The following EPSTI1 variants were observed in gnomAD, a reference collection of about 807,000 sequenced individuals.
EPSTI1 encodes the protein epithelial-stromal interaction protein 1.
A neutral mutation model predicts 49.9 loss-of-function variants in EPSTI1; 66 were observed. That is an observed-to-expected ratio of 1.32 (90% CI 1.08 to 1.62). The LOEUF (loss-of-function observed/expected upper bound fraction) is 1.62. EPSTI1 is among the 40% of genes most tolerant of loss of function. EPSTI1 has a pLI of 0.00. For synonymous variants in EPSTI1, 137 were observed against 130.7 expected, an observed-to-expected ratio of 1.05 and a Z score of -0.33; for missense variants, 394 against 365.5, an observed-to-expected ratio of 1.08 and a Z score of -0.64.
intron 6 of EPSTI1, among the ~76,000 whole-genome samples, chr13:42,948,994 C>T (rs1444916324): frequency 6.6e-6 from 1 of 152,098 alleles, no homozygotes. Context: ...GGAGTTTAGG[C>T]ACAACTAACC....
At chr13:42,991,301 G>C (rs1408601599) in intron 1 of EPSTI1, 1 of 152,474 alleles carries the variant, frequency 6.6e-6, no homozygotes, top group African/African-American at 2.4e-5. Context: ...GTTTTGTTTT[G>C]TTTTGAGACA....
At chr13:42,966,638 T>G (rs2039622991) in intron 3 of EPSTI1, among the ~76,000 whole-genome samples, 1 of 65,662 alleles carries the variant, frequency 1.5e-5, no homozygotes, top group Non-Finnish European at 3.3e-5. Context: ...AGCCACCCCA[T>G]CTGGGAAGTA....
At chr13:42,957,663 C>T (rs2039313750) in intron 5 of EPSTI1, among the ~76,000 whole-genome samples, 1 of 152,218 alleles carries the variant, frequency 6.6e-6, no homozygotes, top group East Asian at 1.9e-4. Flanking sequence ...GCAACCTCTG[C>T]CTCCCAGGTT....
At chr13:42,892,142 G>A (rs1385928225) in intron 10 of EPSTI1, among the ~76,000 whole-genome samples, 1 of 152,224 alleles carries the variant, frequency 6.6e-6, no homozygotes, top group South Asian at 2.1e-4. Context: ...AATGAAGAAG[G>A]AGAGCAGCAG....
intron 9 of EPSTI1, among the ~76,000 whole-genome samples, chr13:42,898,609 GC>G (rs2037264133): frequency 6.7e-6 from 1 of 149,336 alleles, no homozygotes. Flanking sequence ...AAATTAAACA[GC>G]CCCACCAATA....
rs747737457 is a variant in EPSTI1, at chr13:42,967,289, T to TA, written c.331+1804dup. Among the ~76,000 whole-genome samples, 33 of 28,540 alleles carry TA rather than the reference T, an allele frequency of 1.2e-3. 4 individuals carry two copies. The highest frequency in any genetic ancestry group is 2.8e-3 in the African/African-American group (31 of 10,926). 18.7% of individuals were successfully genotyped at this position (28,540 alleles called of 152,430 possible). On this transcript the variant is annotated intron_variant, in intron 3 of 10. Transcript: ENST00000313624. ...AAGAATTATCAATAAAAAAATAAAT[T>TA]AAAAAAAAAAAAAAAAAAAAAAGAA...
intron 5 of EPSTI1, among the ~76,000 whole-genome samples, chr13:42,958,097 G>C (rs1025304396): frequency 6.6e-6 from 1 of 152,140 alleles, no homozygotes; most frequent in Admixed American, 6.5e-5. Context: ...GAACACCGTT[G>C]GTGATCTTAG....
Position 42,900,341 on chromosome 13 carries a change from T to G in EPSTI1, c.784A>C (p.Arg262=), listed in dbSNP as rs746030726. The G allele has an allele frequency of 6.2e-7, 1 of 1,613,826 alleles. No homozygotes were observed. Among genetic ancestry groups the G allele is most frequent in the Admixed American group, 1.7e-5 (1 of 60,006 alleles). The change falls in exon 9 of 11, where the codon AGA becomes CGA. Residue 262 remains arginine (R), a synonymous_variant. Coordinates refer to ENST00000313624, the MANE Select transcript of EPSTI1 (RefSeq NM_033255.5). ...ELKRQQQEQE[R]AKIHQTEHRR... The stretch of plus-strand genomic sequence containing the variant: ...TGTTCAGTCTGGTGGATTTTGGCTC[T>G]TTCTTGCTCTTGCTGCTGCCGTTTC...
chr13:42,909,336 T>G (rs1178319020), intron 8 of EPSTI1, among the ~76,000 whole-genome samples: 1 of 151,990 alleles, frequency 6.6e-6, no homozygotes, highest in Admixed American at 6.6e-5. Flanking sequence ...ACGCTGCTTG[T>G]GGGGGGTGTA....
At chr13:42,980,337 G>T (rs1310052307) in intron 1 of EPSTI1, among the ~76,000 whole-genome samples, 1 of 152,164 alleles carries the variant, frequency 6.6e-6, no homozygotes, top group Non-Finnish European at 1.5e-5. Flanking sequence ...CATTGTATTA[G>T]TCCATTCTCA....
At chr13:42,935,751 C>G (rs2038540968) in intron 6 of EPSTI1, among the ~76,000 whole-genome samples, 1 of 152,088 alleles carries the variant, frequency 6.6e-6, no homozygotes, top group Non-Finnish European at 1.5e-5. Flanking sequence ...GCCATCATAT[C>G]TGGCTAATTT....
In EPSTI1 at chr13:42,992,008, C is replaced by A; in HGVS notation, c.158G>T (p.Arg53Leu). Reference sequence around the variant, plus strand: ...CTGGCCCGCGTGCACGACGCTCTCCCGCGAAGGGCCCTTAGGGGCTGCCTC... The same window carrying A: ...CTGGCCCGCGTGCACGACGCTCTCCAGCGAAGGGCCCTTAGGGGCTGCCTC... ...GLEAAPKGPS[R>L]ESVVHAGQRR... The change falls in exon 1 of 11, where the codon CGG (arginine) becomes CTG (leucine). Residue 53 changes from arginine (R) to leucine (L), a missense_variant. By Grantham distance (102) the Arg-to-Leu change is moderately radical. Coordinates refer to ENST00000313624, the MANE Select transcript of EPSTI1 (RefSeq NM_033255.5). 1.9e-6 allele frequency: 3 copies of A among 1,613,478 alleles called. No homozygotes were observed. Among genetic ancestry groups the A allele is most frequent in the Non-Finnish European group, 2.5e-6 (3 of 1,180,046 alleles).
intron 8 of EPSTI1, among the ~76,000 whole-genome samples, chr13:42,902,868 C>A (rs891205741): frequency 6.6e-6 from 1 of 152,116 alleles, no homozygotes; most frequent in Non-Finnish European, 1.5e-5. Context: ...TAATCTTCTG[C>A]AGGATGCATT....
At chr13:42,894,887 G>T in intron 10 of EPSTI1, 122 bp downstream of exon 10, 1 of 809,520 alleles carries the variant, frequency 1.2e-6, no homozygotes, top group Non-Finnish European at 1.9e-6. Context: ...CCATCACACT[G>T]CCAAACAGCA....
chr13:42,932,593 T>C (rs2038412796), intron 6 of EPSTI1, among the ~76,000 whole-genome samples: 1 of 144,920 alleles, frequency 6.9e-6, no homozygotes, highest in African/African-American at 2.6e-5. Context: ...CTCCCTCAAA[T>C]ACAAAATCAC....
chr13:42,976,554 G>A (rs1010442722), intron 1 of EPSTI1, among the ~76,000 whole-genome samples: 2 of 152,040 alleles, frequency 1.3e-5, no homozygotes, highest in South Asian at 2.1e-4. Context: ...CTTATGAAAT[G>A]TGCTATATAT....
At position 42,992,111 on chromosome 13, in the gene EPSTI1, G is replaced by T; in HGVS notation, c.55C>A (p.Arg19Ser). 1 of 1,609,434 alleles carries T rather than the reference G, an allele frequency of 6.2e-7. No homozygotes were observed. Among genetic ancestry groups the T allele is most frequent in the South Asian group, 1.1e-5 (1 of 90,728 alleles). The change falls in exon 1 of 11, where the codon CGC becomes AGC. Residue 19 changes from arginine to serine, a missense_variant. Arg to Ser is a moderately radical substitution (Grantham distance 110). Transcript: ENST00000313624. ...GGGTCCTGGGGATCCCGGGTCGGGC[G>T]GGAGGCAGGGGAGGCGCCGAGCCCG... ...NSGLGASPAS[R>S]PTRDPQDPSG...
At chr13:42,960,322 G>A (rs536203032) in intron 5 of EPSTI1, among the ~76,000 whole-genome samples, 31 of 152,214 alleles carry the variant, frequency 2.0e-4, no homozygotes, top group Middle Eastern at 3.4e-3. Context: ...GTGATTATGG[G>A]GGGAAAATGT....
intron 8 of EPSTI1, among the ~76,000 whole-genome samples, chr13:42,917,240 G>A (rs1473061890): frequency 1.3e-5 from 2 of 152,038 alleles, no homozygotes; most frequent in African/African-American, 4.8e-5. Flanking sequence ...TGATGGTGGT[G>A]GTGTTTTGTT....
Sources: gnomAD v4.1 joint callset for allele counts (sites outside exome capture counted in the v4.1 genomes callset) on GRCh38, gnomAD v4.1.1 for gene constraint, MANE v1.5 for transcripts, NCBI Gene and HGNC (gene_info 2026-07-23, HGNC 2026-07-21) for gene names.